The following ABI3BP variants were observed in gnomAD, a reference collection of about 807,000 sequenced individuals.
ABI3BP encodes the protein target of Nesh-SH3.
ABI3BP carries 216 observed loss-of-function variants against 268.6 expected under a neutral mutation model. That is an observed-to-expected ratio of 0.80 (90% confidence interval 0.72 to 0.90). The LOEUF is 0.90. Among genes scored for constraint, ABI3BP ranks in the 40% least tolerant of loss-of-function variants. ABI3BP has a pLI of 0.00. For missense variants in ABI3BP, 2,090 were observed against 2,182.4 expected (o/e 0.96, Z 0.84); for synonymous variants, 730 against 730.0 (o/e 1.00, Z 0.00).
chr3:100,973,669 T>C (rs1576060763), intron 1 of ABI3BP, among the ~76,000 whole-genome samples: 2 of 152,184 alleles, frequency 1.3e-5, no homozygotes, highest in East Asian at 3.8e-4. Context: ...TAGCATTTTC[T>C]TCCCCAGAGC....
chr3:100,827,492 T>C (rs554655833), intron 34 of ABI3BP, among the ~76,000 whole-genome samples: 5 of 152,262 alleles, frequency 3.3e-5, no homozygotes, highest in African/African-American at 1.2e-4. Flanking sequence ...GTGCATGATA[T>C]GTTCAATGGA....
chr3:100,832,304 AG>A lies in ABI3BP; in HGVS notation c.2360del (p.Pro787LeufsTer52). On this transcript the variant is annotated frameshift_variant, in exon 31 of 68. Transcript: ENST00000471714. LOFTEE classifies it high-confidence loss of function. ...GTACTTCTGGATGGGGCGTGGTTTT[AG>A]GTTTGGGATGTGGACGACGGGTTCT... is the stretch of plus-strand genomic sequence containing the variant. ...TKRTRRPHPKPKTTPHPEVPQ... is the reference protein window; with the variant it reads ...TKRTRRPHPKXKTTPHPEVPQ... 5.2e-6 allele frequency: 8 copies of A among 1,535,574 alleles called. No individual in the cohort carries two copies. Among genetic ancestry groups the A allele is most frequent in the Non-Finnish European group, 7.0e-6 (8 of 1,146,552 alleles).
At chr3:100,948,473 T>C (rs1045229878) in intron 1 of ABI3BP, among the ~76,000 whole-genome samples, 7 of 152,238 alleles carry the variant, frequency 4.6e-5, no homozygotes, top group Non-Finnish European at 8.8e-5. Flanking sequence ...GTTACTAAAA[T>C]CAGTTGTTAT....
chr3:100,914,309 C>A (rs1207095931), intron 2 of ABI3BP: 3 of 294,486 alleles, frequency 1.0e-5, no homozygotes, highest in Non-Finnish European at 2.1e-5. Context: ...CCCAGTTTGA[C>A]AGAACACTCT....
intron 62 of ABI3BP, among the ~76,000 whole-genome samples, chr3:100,766,882 A>G (rs1327957851): frequency 6.6e-6 from 1 of 152,230 alleles, no homozygotes; most frequent in Non-Finnish European, 1.5e-5. Context: ...GCTGCCAAAG[A>G]TCTGGCAAGT....
At chr3:100,765,306 C>T (rs1202254996) in intron 63 of ABI3BP, among the ~76,000 whole-genome samples, 3 of 152,100 alleles carry the variant, frequency 2.0e-5, no homozygotes, top group East Asian at 1.9e-4. Flanking sequence ...TATCAAACAA[C>T]GTTAAAGATA....
intron 65 of ABI3BP, among the ~76,000 whole-genome samples, chr3:100,753,526 A>G (rs1290349362): frequency 6.6e-6 from 1 of 152,090 alleles, no homozygotes. Context: ...TCCTGGGCTC[A>G]AGCAATCCTC....
At chr3:100,942,871 TTAATG>T (rs1390153741) in intron 1 of ABI3BP, among the ~76,000 whole-genome samples, 1 of 152,120 alleles carries the variant, frequency 6.6e-6, no homozygotes, top group African/African-American at 2.4e-5. Context: ...GACAATAAAA[TTAATG>T]GGCCCAATGT....
chr3:100,908,955 T>C (rs1245157942), intron 2 of ABI3BP, among the ~76,000 whole-genome samples: 2 of 152,026 alleles, frequency 1.3e-5, no homozygotes, highest in East Asian at 3.9e-4. Flanking sequence ...GCCAAGACAA[T>C]CCTAAGCAAA....
At chr3:100,960,262 A>G (rs776136047) in intron 1 of ABI3BP, among the ~76,000 whole-genome samples, 20 of 152,226 alleles carry the variant, frequency 1.3e-4, no homozygotes, top group Non-Finnish European at 2.8e-4. Flanking sequence ...GGCATTCAAG[A>G]GGGGTAGTAT....
chr3:100,846,951 G>C (rs1406954340), intron 19 of ABI3BP, among the ~76,000 whole-genome samples: 1 of 152,142 alleles, frequency 6.6e-6, no homozygotes, highest in Non-Finnish European at 1.5e-5. Context: ...ATTAAGACCA[G>C]CTATATTTTT....
At chr3:100,911,406 A>C in intron 2 of ABI3BP, 1 of 274,756 alleles carries the variant, frequency 3.6e-6, no homozygotes, top group Non-Finnish European at 6.8e-6. Context: ...AGGCTGCCTG[A>C]ATCTATGCTC....
chr3:100,798,134 G>C, intron 51 of ABI3BP, among the ~76,000 whole-genome samples: 1 of 152,030 alleles, frequency 6.6e-6, no homozygotes, highest in African/African-American at 2.4e-5. Flanking sequence ...GAAGAGATGT[G>C]GTACTAATAA....
At chr3:100,918,184 T>C (rs919063778) in intron 2 of ABI3BP, among the ~76,000 whole-genome samples, 4 of 152,172 alleles carry the variant, frequency 2.6e-5, no homozygotes, top group South Asian at 2.1e-4. Flanking sequence ...ATTTTGAAAA[T>C]AATTTTAAAA....
At position 100,751,573 on chromosome 3, in the gene ABI3BP, C is replaced by T. The variant is rs766682817; in HGVS notation, c.5224G>A (p.Asp1742Asn). ...ATACCTTCTTTGATTGGTAACTGGT[C>T]AGAAGTGAGTTGCTGCCCAGTGCGT... Reference protein sequence around the residue: ...DGRTGQQLTSDQLPIKEGYFR... With the variant: ...DGRTGQQLTSNQLPIKEGYFR... Residue 1742 changes from aspartate to asparagine, a missense_variant, in exon 67 of 68, where the codon GAC becomes AAC. Asp to Asn is a conservative substitution (Grantham distance 23). Coordinates refer to ENST00000471714, the MANE Select transcript of ABI3BP (RefSeq NM_001375547.2). 1.1e-5 allele frequency: 18 copies of T among 1,594,764 alleles called. No homozygotes were observed. The East Asian group carries it at 4.1e-4, about 36-fold the overall frequency.
intron 62 of ABI3BP, among the ~76,000 whole-genome samples, chr3:100,767,031 A>C (rs1031373373): frequency 6.6e-6 from 1 of 151,864 alleles, no homozygotes; most frequent in Non-Finnish European, 1.5e-5. Flanking sequence ...TTTGTTGGGG[A>C]GGCTCACTGC....
chr3:100,841,901 GAAAA>G, intron 21 of ABI3BP, 93 bp downstream of exon 21: 40 of 818,112 alleles, frequency 4.9e-5, no homozygotes, highest in South Asian at 1.4e-4. Flanking sequence ...ATCTGGAGAA[GAAAA>G]AAAAAAAAAA....
chr3:100,930,004 C>T (rs1204647841), intron 1 of ABI3BP, among the ~76,000 whole-genome samples: 1 of 151,938 alleles, frequency 6.6e-6, no homozygotes, highest in Non-Finnish European at 1.5e-5. Context: ...TATGTACATT[C>T]TACACTAATG....
chr3:100,783,557 G>T (rs2096931915), intron 57 of ABI3BP, among the ~76,000 whole-genome samples: 1 of 152,164 alleles, frequency 6.6e-6, no homozygotes, highest in Non-Finnish European at 1.5e-5. Context: ...TTCTATACTT[G>T]CTTTCACAGC....
Sources: allele counts gnomAD v4.1 joint callset (sites outside exome capture counted in the v4.1 genomes callset), GRCh38; gene constraint gnomAD v4.1.1; transcripts MANE v1.5; gene names NCBI Gene and HGNC (gene_info 2026-07-23, HGNC 2026-07-21).